The following GABRB2 variants were observed in gnomAD, a reference collection of about 807,000 sequenced individuals.
GABRB2 encodes the protein gamma-aminobutyric acid receptor subunit beta-2.
In GABRB2, 16 loss-of-function variants were observed where a neutral mutation model predicts 54.7. That is an observed-to-expected ratio of 0.29 (90% CI 0.20 to 0.44). GABRB2 has a LOEUF of 0.44. GABRB2 is among the 20% of genes least tolerant of loss of function. GABRB2 has a pLI of 1.00. For synonymous variants in GABRB2, 244 were observed against 233.8 expected (o/e 1.04, Z -0.40); for missense variants, 355 against 644.0 (o/e 0.55, Z 4.86).
intron 4 of GABRB2, among the ~76,000 whole-genome samples, chr5:161,426,225 T>A (rs1178433220): frequency 1.3e-5 from 2 of 152,122 alleles, no homozygotes; most frequent in East Asian, 1.9e-4. Context: ...ATGCAAAAGG[T>A]CCTTTTGAAC....
At chr5:161,390,436 G>A (rs1020407643) in intron 5 of GABRB2, among the ~76,000 whole-genome samples, 3 of 151,894 alleles carry the variant, frequency 2.0e-5, no homozygotes, top group Non-Finnish European at 4.4e-5. Flanking sequence ...TACTAACTAG[G>A]CATGATAACT....
At chr5:161,311,600 C>A (rs1038493730) in intron 9 of GABRB2, among the ~76,000 whole-genome samples, 14 of 152,166 alleles carry the variant, frequency 9.2e-5, no homozygotes, top group African/African-American at 3.1e-4. Context: ...ACTACAGAAT[C>A]CTCAGTGTAG....
chr5:161,369,826 T>A (rs888266165), intron 5 of GABRB2, among the ~76,000 whole-genome samples: 13 of 152,316 alleles, frequency 8.5e-5, no homozygotes, highest in South Asian at 2.1e-4. Flanking sequence ...TTCTTCAGTG[T>A]TTAATATGAA....
intron 5 of GABRB2, among the ~76,000 whole-genome samples, chr5:161,392,193 A>G (rs1185611479): frequency 6.6e-6 from 1 of 152,128 alleles, no homozygotes; most frequent in Non-Finnish European, 1.5e-5. Context: ...CAACGCTGCT[A>G]AAATCTAATT....
At chr5:161,414,823 T>G (rs1209608509) in intron 4 of GABRB2, among the ~76,000 whole-genome samples, 1 of 152,084 alleles carries the variant, frequency 6.6e-6, no homozygotes, top group African/African-American at 2.4e-5. Flanking sequence ...CTAAGGATTT[T>G]GATGCAATTA....
intron 5 of GABRB2, among the ~76,000 whole-genome samples, chr5:161,370,980 C>T (rs1171822367): frequency 6.6e-6 from 1 of 152,126 alleles, no homozygotes; most frequent in Non-Finnish European, 1.5e-5. Flanking sequence ...AATCATGTAG[C>T]AGTATGTTAG....
chr5:161,387,618 T>G (rs1364646648), intron 5 of GABRB2, among the ~76,000 whole-genome samples: 1 of 152,162 alleles, frequency 6.6e-6, no homozygotes, highest in East Asian at 1.9e-4. Flanking sequence ...CTGCTCATAC[T>G]TTTCTGTTTT....
At chr5:161,314,364 A>G (rs970618359) in intron 9 of GABRB2, among the ~76,000 whole-genome samples, 1 of 152,196 alleles carries the variant, frequency 6.6e-6, no homozygotes. Context: ...AGCTAGCAGA[A>G]GTGTTGAGAG....
At chr5:161,489,789 A>C (rs551679319) in intron 3 of GABRB2, among the ~76,000 whole-genome samples, 8 of 151,870 alleles carry the variant, frequency 5.3e-5, no homozygotes, top group African/African-American at 7.2e-5. Flanking sequence ...ATCAAAAGTC[A>C]CTACTTACAT....
chr5:161,379,906 G>C (rs1446132818), intron 5 of GABRB2, among the ~76,000 whole-genome samples: 1 of 152,094 alleles, frequency 6.6e-6, no homozygotes, highest in South Asian at 2.1e-4. Context: ...GTAAAATATG[G>C]AGGAAAATCC....
chr5:161,483,908 G>C (rs1758840610), intron 3 of GABRB2, among the ~76,000 whole-genome samples: 1 of 151,644 alleles, frequency 6.6e-6, no homozygotes, highest in Non-Finnish European at 1.5e-5. Context: ...ATCTCTACCT[G>C]GCAAGGTTAG....
chr5:161,482,566 T>C (rs1024105203), intron 3 of GABRB2, among the ~76,000 whole-genome samples: 6 of 152,068 alleles, frequency 3.9e-5, no homozygotes, highest in African/African-American at 1.2e-4. Flanking sequence ...TTCCCCAATA[T>C]AGTGTTAAAT....
At chr5:161,294,716 G>A (rs898530814) in intron 9 of GABRB2, among the ~76,000 whole-genome samples, 5 of 152,130 alleles carry the variant, frequency 3.3e-5, no homozygotes, top group African/African-American at 4.8e-5. Context: ...TCTACTTAGG[G>A]CACGCAGAGA....
intron 9 of GABRB2, among the ~76,000 whole-genome samples, chr5:161,312,494 C>T (rs1348286524): frequency 2.6e-5 from 4 of 152,146 alleles, no homozygotes; most frequent in African/African-American, 9.7e-5. Context: ...AGAATAAAAT[C>T]TCAGCTAGAT....
chr5:161,321,491 C>G (rs1758208195), intron 9 of GABRB2, among the ~76,000 whole-genome samples: 1 of 152,016 alleles, frequency 6.6e-6, no homozygotes, highest in Non-Finnish European at 1.5e-5. Flanking sequence ...CTTTCCTGTT[C>G]CAAAGTTCCT....
intron 9 of GABRB2, among the ~76,000 whole-genome samples, chr5:161,319,075 C>G (rs1758129417): frequency 6.7e-6 from 1 of 149,658 alleles, no homozygotes; most frequent in South Asian, 2.1e-4. Context: ...AAAATTATTT[C>G]TTATCCTTTT....
intron 8 of GABRB2, among the ~76,000 whole-genome samples, chr5:161,328,451 G>A (rs184838482): frequency 2.1e-4 from 32 of 152,240 alleles, no homozygotes; most frequent in African/African-American, 7.7e-4. Flanking sequence ...CTTTATAAGA[G>A]AGGAATTAAC....
intron 4 of GABRB2, among the ~76,000 whole-genome samples, chr5:161,433,250 A>T (rs191697124): frequency 1.2e-4 from 19 of 152,254 alleles, no homozygotes; most frequent in Admixed American, 6.5e-4. Context: ...TTACTAATTT[A>T]TACAGTAATT....
At chr5:161,358,424 AAAGTGGGGGGAAT>A (rs1457626062) in intron 5 of GABRB2, among the ~76,000 whole-genome samples, 3 of 152,194 alleles carry the variant, frequency 2.0e-5, no homozygotes, top group Non-Finnish European at 2.9e-5. Flanking sequence ...GCTAAAAAAA[AAAGTGGGGGGAAT>A]AAGTGGCATG....
Sources: gnomAD v4.1 joint callset for allele counts (sites outside exome capture counted in the v4.1 genomes callset) on GRCh38, gnomAD v4.1.1 for gene constraint, MANE v1.5 for transcripts, NCBI Gene and HGNC (gene_info 2026-07-23, HGNC 2026-07-21) for gene names.